ERMP1: variants seen among roughly 807,000 people sequenced by gnomAD.
ERMP1 encodes the protein Felix-ina.
Under a neutral mutation model 92.0 loss-of-function variants are expected in ERMP1, and 86 were observed. The observed-to-expected ratio is 0.93, with a 90% CI of 0.79 to 1.12. The LOEUF (loss-of-function observed/expected upper bound fraction) is 1.12, where lower values mean the gene tolerates loss of function less well. Among genes scored for constraint, ERMP1 ranks in the 50% most tolerant of loss-of-function variants. The pLI is 0.00. For missense variants in ERMP1, 1,342 were observed against 1,116.3 expected (o/e 1.20, Z -2.88); for synonymous variants, 530 against 412.8 (o/e 1.28, Z -3.44).
At chr9:5,829,588 T>G (rs1829862569) in intron 2 of ERMP1, among the ~76,000 whole-genome samples, 1 of 152,244 alleles carries the variant, frequency 6.6e-6, no homozygotes, top group Admixed American at 6.5e-5. Context: ...AAAGTACTAT[T>G]ATTTTCTCCA....
intron 5 of ERMP1, among the ~76,000 whole-genome samples, chr9:5,861,984 T>TA (rs1277966722): frequency 4.6e-5 from 7 of 152,052 alleles, no homozygotes; most frequent in South Asian, 2.1e-4. Context: ...TAAAGTTTTT[T>TA]AAAAAATCAC....
chr9:5,819,095 G>A (rs10975301), intron 4 of ERMP1, among the ~76,000 whole-genome samples: 128 of 152,110 alleles, frequency 8.4e-4, no homozygotes, highest in Non-Finnish European at 8.4e-4. Context: ...GAAAATATAC[G>A]TTTACACAAA....
At chr9:5,814,473 T>C (rs1458781256) in intron 4 of ERMP1, among the ~76,000 whole-genome samples, 1 of 152,236 alleles carries the variant, frequency 6.6e-6, no homozygotes, top group East Asian at 1.9e-4. Context: ...CTGGGTGCAG[T>C]GGCTCACGCA....
At chr9:5,860,612 A>ATTT (rs35003433) in intron 5 of ERMP1, among the ~76,000 whole-genome samples, 5 of 135,672 alleles carry the variant, frequency 3.7e-5, no homozygotes, top group Admixed American at 8.0e-5. Flanking sequence ...TCAGTCCACA[A>ATTT]TTTTTTTTTT....
At chr9:5,835,150 GGAGTT>G (rs1407615117), upstream of ERMP1, among the ~76,000 whole-genome samples, 1 of 152,140 alleles carries the variant, frequency 6.6e-6, no homozygotes, top group Non-Finnish European at 1.5e-5. Flanking sequence ...CTAGGTGGTA[GGAGTT>G]AAGTTACAGC....
rs117193362 is a variant in ERMP1, at chr9:5,803,708, A to G, written c.1914+1319T>C. ...CCTTACAACAGCAAACCTATCAAAA[A>G]TACAGATGATATAAGGGTTACTATT... On this transcript the variant is annotated intron_variant, in intron 10 of 14. Transcript: ENST00000339450. Among the ~76,000 whole-genome samples the G allele has an allele frequency of 4.4e-3, 671 of 152,290 alleles. 4 individuals carry two copies. Among genetic ancestry groups the G allele is most frequent in the Non-Finnish European group, 5.5e-3 (375 of 68,018 alleles).
intron 8 of ERMP1, among the ~76,000 whole-genome samples, chr9:5,807,614 C>A (rs895213488): frequency 4.6e-5 from 7 of 151,998 alleles, no homozygotes; most frequent in Non-Finnish European, 8.8e-5. Context: ...GGCATGGTGG[C>A]ACACATCTGT....
chr9:5,784,934 T>C lies in ERMP1; in HGVS notation c.*2210A>G, dbSNP rs1041478573. 2.0e-5 allele frequency: 3 copies of C among 152,198 alleles called. No individual in the cohort carries two copies. The highest frequency in any genetic ancestry group is 4.8e-5 in the African/African-American group (2 of 41,398). The allele number at this position is 152,198 out of a possible 1,614,324, so 9.4% of individuals were successfully genotyped here. ...TTGTTAGAGCTTGAAAAGACCCTTT[T>C]AGAAATTATTTAAATGATCACTCTT... On this transcript the variant is annotated 3_prime_UTR_variant, in exon 15 of 15. Coordinates refer to ENST00000339450, the MANE Select transcript of ERMP1 (RefSeq NM_024896.3).
chr9:5,817,302 G>A (rs946686333), intron 4 of ERMP1, among the ~76,000 whole-genome samples: 33 of 152,178 alleles, frequency 2.2e-4, no homozygotes, highest in African/African-American at 7.7e-4. Flanking sequence ...CGATTCTCCT[G>A]CCTCAGCCTC....
intron 2 of ERMP1, among the ~76,000 whole-genome samples, chr9:5,828,513 C>T (rs754496523): frequency 5.9e-5 from 9 of 152,224 alleles, no homozygotes; most frequent in Non-Finnish European, 1.2e-4. Flanking sequence ...ACTAACCTTT[C>T]TCTACCATTT....
upstream of ERMP1, among the ~76,000 whole-genome samples, chr9:5,835,000 TGTGTGTG>T: frequency 6.6e-6 from 1 of 150,814 alleles, no homozygotes; most frequent in Non-Finnish European, 1.5e-5. Context: ...TGTGTGTGTG[TGTGTGTG>T]TGTGTGTGTG....
intron 5 of ERMP1, among the ~76,000 whole-genome samples, chr9:5,862,965 G>A (rs1830548144): frequency 6.6e-6 from 1 of 152,204 alleles, no homozygotes; most frequent in Non-Finnish European, 1.5e-5. Flanking sequence ...ATGTGCAAGA[G>A]GAAGAGACTA....
chr9:5,787,017 A>C lies in ERMP1; in HGVS notation c.*127T>G. On this transcript the variant is annotated 3_prime_UTR_variant, in exon 15 of 15. Coordinates refer to ENST00000339450, the MANE Select transcript of ERMP1 (RefSeq NM_024896.3). ...GCTTGGCCCTGAAAAGCGTTAACCC[A>C]GAAAGCTCTTTGAACATATGATCAT... 1 of 982,982 alleles carries C rather than the reference A, an allele frequency of 1.0e-6. No homozygotes were observed. 60.9% of individuals were successfully genotyped at this position (982,982 alleles called of 1,614,324 possible). A position where few individuals can be genotyped will look rare whatever the true frequency, so the allele number is the denominator to read the frequency against.
chr9:5,866,173 C>T (rs1830653450), intron 5 of ERMP1, among the ~76,000 whole-genome samples: 1 of 152,184 alleles, frequency 6.6e-6, no homozygotes, highest in Non-Finnish European at 1.5e-5. Flanking sequence ...GGGTAAATTG[C>T]AGATGAGCCC....
At chr9:5,806,551 C>G (rs542248696) in intron 8 of ERMP1, among the ~76,000 whole-genome samples, 1 of 151,976 alleles carries the variant, frequency 6.6e-6, no homozygotes, top group Admixed American at 6.6e-5. Context: ...CCTCAGCCTC[C>G]TGAAGTAACT....
chr9:5,810,629 T>C (rs889657116), intron 7 of ERMP1, among the ~76,000 whole-genome samples: 2 of 151,984 alleles, frequency 1.3e-5, no homozygotes, highest in South Asian at 2.1e-4. Flanking sequence ...AGATAAGGAG[T>C]GTGGGGAAAA....
At chr9:5,804,760 G>A (rs1190187520) in intron 10 of ERMP1, among the ~76,000 whole-genome samples, 1 of 151,908 alleles carries the variant, frequency 6.6e-6, no homozygotes, top group Non-Finnish European at 1.5e-5. Flanking sequence ...TTCACACTCA[G>A]GTATCTGACA....
chr9:5,859,265 A>G (rs1416219868), intron 6 of ERMP1, among the ~76,000 whole-genome samples: 3 of 56,884 alleles, frequency 5.3e-5, no homozygotes, highest in Non-Finnish European at 1.5e-4. Context: ...TGGCAAAGAC[A>G]CTTTGGCAAA....
intron 13 of ERMP1, among the ~76,000 whole-genome samples, chr9:5,792,721 G>A (rs1215650429): frequency 6.6e-6 from 1 of 152,160 alleles, no homozygotes; most frequent in Non-Finnish European, 1.5e-5. Flanking sequence ...GGGATGAATT[G>A]AGAATATTAT....
Sources: gnomAD v4.1 joint callset for allele counts (sites outside exome capture counted in the v4.1 genomes callset) on GRCh38, gnomAD v4.1.1 for gene constraint, MANE v1.5 for transcripts, NCBI Gene and HGNC (gene_info 2026-07-23, HGNC 2026-07-21) for gene names.